Variants in RIF1 observed in about 807,000 individuals in gnomAD.
The protein encoded by RIF1 is replication timing regulatory factor 1, also known as telomere-associated protein RIF1.
Under a neutral mutation model 247.1 loss-of-function variants are expected in RIF1, and 45 were observed. That is an observed-to-expected ratio of 0.18 (90% CI 0.14 to 0.23). RIF1 has a LOEUF of 0.23. Among genes scored for constraint, RIF1 ranks in the 10% least tolerant of loss-of-function variants. RIF1 has a pLI of 1.00. For missense variants in RIF1, 2,967 were observed against 2,862.5 expected, an observed-to-expected ratio of 1.04 and a Z score of -0.83; for synonymous variants, 1,087 against 978.8, an observed-to-expected ratio of 1.11 and a Z score of -2.06.
chr2:151,523,898 T>G, the RIF1 span, among the ~76,000 whole-genome samples: 1 of 151,958 alleles, frequency 6.6e-6, no homozygotes, highest in African/African-American at 2.4e-5. Context: ...GAAAAAAAAA[T>G]GAATATTTTC....
chr2:151,498,390 T>G (rs2061792874), intron 10 of RIF1: 1 of 1,428,924 alleles, frequency 7.0e-7, no homozygotes, highest in African/African-American at 1.4e-5. Context: ...AAAAAAGCAA[T>G]CAATCAGTCA....
chr2:151,511,812 A>G (rs1440797266), downstream of RIF1, among the ~76,000 whole-genome samples: 6 of 152,310 alleles, frequency 3.9e-5, no homozygotes, highest in African/African-American at 1.4e-4. Context: ...GTGTGGTCTC[A>G]ATCTCAGTCT....
At position 151,464,708 on chromosome 2, in the gene RIF1, A is replaced by G. The variant is rs1696654748; in HGVS notation, c.5188A>G (p.Lys1730Glu). The G allele has an allele frequency of 6.2e-7, 1 of 1,613,252 alleles. No homozygotes were observed. Among genetic ancestry groups the G allele is most frequent in the Non-Finnish European group, 8.5e-7 (1 of 1,179,740 alleles). ...HKRSRRVRRSKGCDCCGEKSQ... is the reference protein window; with the variant it reads ...HKRSRRVRRSEGCDCCGEKSQ... ...GAGAAGTAGGAGGGTGAGGAGATCT[A>G]AAGGTTGTGATTGCTGTGGGGAAAA... Residue 1730 changes from lysine (K) to glutamate (E), a missense_variant, in exon 30 of 36, where the codon AAA (lysine) becomes GAA (glutamate). By Grantham distance (56) the Lys-to-Glu change is moderately conservative. Around this residue, in one of 7 missense-constraint regions of RIF1, gnomAD observed 2,028 missense variants for 1,825.6 expected, o/e 1.11. Transcript: ENST00000444746.
chr2:151,457,213 C>T (rs1359942639), intron 23 of RIF1, among the ~76,000 whole-genome samples: 1 of 152,144 alleles, frequency 6.6e-6, no homozygotes, highest in Non-Finnish European at 1.5e-5. Context: ...CCCTGCCCTC[C>T]TGGGCTCAAG....
At chr2:151,453,157 T>C (rs912905362) in intron 21 of RIF1, among the ~76,000 whole-genome samples, 3 of 152,234 alleles carry the variant, frequency 2.0e-5, no homozygotes, top group Non-Finnish European at 4.4e-5. Flanking sequence ...ATTTATCTTA[T>C]CTGCTCCCCC....
rs1692681824 is a variant in RIF1 at position 151,443,253 on chromosome 2, C to T, written c.1735-6C>T. 2 of 1,551,332 alleles carry T rather than the reference C, an allele frequency of 1.3e-6. No homozygotes were observed. The highest frequency in any genetic ancestry group is 1.1e-5 in the South Asian group (1 of 87,528). On this transcript the variant is annotated splice_polypyrimidine_tract_variant and splice_region_variant and intron_variant, in intron 16 of 35. Coordinates refer to ENST00000444746, the MANE Select transcript of RIF1 (RefSeq NM_018151.5). The stretch of plus-strand genomic sequence containing the variant: ...CTGAGAAGATTGACTTCATTTTCTC[C>T]TTCAGGGAACTCCAGCTTTGTTCTT...
At chr2:151,490,584 G>C in intron 9 of RIF1, 1 of 1,535,220 alleles carries the variant, frequency 6.5e-7, no homozygotes. Context: ...ATGCCTAACA[G>C]TGATTGAATC....
intron 21 of RIF1, 46 bp from the exon 22 acceptor site, chr2:151,454,849 T>C (rs886854256): frequency 2.1e-6 from 3 of 1,432,720 alleles, no homozygotes; most frequent in Non-Finnish European, 2.8e-6. Context: ...GTGACTCCTA[T>C]TTTCAATTTA....
intron 10 of RIF1, among the ~76,000 whole-genome samples, chr2:151,434,437 A>AT (rs754795986): frequency 0.1 from 10,642 of 106,846 alleles, 1,925 homozygotes; most frequent in African/African-American, 0.32. Context: ...TGGTTTTTGA[A>AT]TTTTTTTTTT....
At chr2:151,448,982 A>G (rs1327310161) in intron 20 of RIF1, among the ~76,000 whole-genome samples, 1 of 152,208 alleles carries the variant, frequency 6.6e-6, no homozygotes, top group Admixed American at 6.5e-5. Flanking sequence ...CTTGGCTTTG[A>G]TAAGGGTGAA....
intron 10 of RIF1, chr2:151,497,779 T>C: frequency 1.3e-6 from 2 of 1,544,804 alleles, no homozygotes; most frequent in South Asian, 2.4e-5. Flanking sequence ...TCTTGGGACT[T>C]TTTAAGGATG....
chr2:151,473,256 T>G (rs2048695986), intron 34 of RIF1, among the ~76,000 whole-genome samples: 1 of 151,434 alleles, frequency 6.6e-6, no homozygotes, highest in Non-Finnish European at 1.5e-5. Flanking sequence ...CAATCAGTGG[T>G]CCATACGTCC....
At chr2:151,417,588 A>G (rs1687426924) in intron 6 of RIF1, among the ~76,000 whole-genome samples, 1 of 152,208 alleles carries the variant, frequency 6.6e-6, no homozygotes, top group African/African-American at 2.4e-5. Context: ...TGTATTGAAC[A>G]TGTACAGACT....
chr2:151,421,870 T>A (rs547102120), intron 7 of RIF1, among the ~76,000 whole-genome samples: 44 of 152,196 alleles, frequency 2.9e-4, no homozygotes, highest in African/African-American at 1.1e-3. Flanking sequence ...GTTTCGCAAT[T>A]GTTGCCCAGG....
At chr2:151,417,074 G>T (rs1687331655) in intron 6 of RIF1, among the ~76,000 whole-genome samples, 173 bp downstream of exon 6, 1 of 152,162 alleles carries the variant, frequency 6.6e-6, no homozygotes, top group African/African-American at 2.4e-5. Context: ...ATATGTGTGG[G>T]TTACTAGGTT....
chr2:151,526,829 C>T, the RIF1 span: 2 of 976,426 alleles, frequency 2.0e-6, no homozygotes, highest in Non-Finnish European at 3.2e-6. Context: ...AGCAGCTCTT[C>T]TCCATCCTTC....
chr2:151,451,306 G>A (rs1309603827), intron 20 of RIF1, among the ~76,000 whole-genome samples: 1 of 152,172 alleles, frequency 6.6e-6, no homozygotes, highest in Non-Finnish European at 1.5e-5. Flanking sequence ...CTATACAGGT[G>A]CCTAGGCTAT....
intron 6 of RIF1, among the ~76,000 whole-genome samples, chr2:151,418,134 T>C (rs1687531169): frequency 6.6e-6 from 1 of 152,206 alleles, no homozygotes; most frequent in South Asian, 2.1e-4. Context: ...CTATTGCAGA[T>C]TTCATAAAGA....
Position 151,488,625 on chromosome 2 carries a change from G to A in RIF1, c.*415+5290G>A, listed in dbSNP as rs2053296806. 2.0e-5 allele frequency among the ~76,000 whole-genome samples: 3 copies of A among 151,794 alleles called. No individual in the cohort carries two copies. In the South Asian group the frequency reaches 6.3e-4, roughly 32 times the overall value. On this transcript the variant is annotated intron_variant and NMD_transcript_variant, in intron 9 of 13. Transcript: ENST00000454583. ...CATGCCACCACACTGCAGCCTGGGT[G>A]ATAGAGTGAGACCCTGTCTCTAAAA... is the stretch of plus-strand genomic sequence containing the variant.
Sources: gnomAD v4.1 joint callset for allele counts (sites outside exome capture counted in the v4.1 genomes callset) on GRCh38, gnomAD v4.1.1 for gene constraint, gnomAD v4.1.1 regional missense constraint, MANE v1.5 for transcripts, NCBI Gene and HGNC (gene_info 2026-07-23, HGNC 2026-07-21) for gene names.